ST6GALNAC3: variants seen among roughly 807,000 people sequenced by gnomAD.
ST6GALNAC3 encodes the protein alpha-N-acetylgalactosaminide alpha-2,6-sialyltransferase 3.
A neutral mutation model predicts 32.7 loss-of-function variants in ST6GALNAC3; 25 were observed. The ratio of observed to expected loss-of-function variants is 0.76; its 90% CI spans 0.56 to 1.07. The LOEUF is 1.07. Ranked by LOEUF, ST6GALNAC3 falls within the 50% of genes least tolerant of loss-of-function variation. ST6GALNAC3 has a pLI of 0.00. For missense variants in ST6GALNAC3, 355 were observed against 382.4 expected, an observed-to-expected ratio of 0.93 and a Z score of 0.60; for synonymous variants, 129 against 133.1, an observed-to-expected ratio of 0.97 and a Z score of 0.21.
intron 1 of ST6GALNAC3, among the ~76,000 whole-genome samples, chr1:76,264,975 T>C (rs1419797480): frequency 1.3e-5 from 2 of 152,040 alleles, no homozygotes; most frequent in East Asian, 3.9e-4. Flanking sequence ...TTTAAGGCCT[T>C]TATTCCTCTG....
intron 1 of ST6GALNAC3, among the ~76,000 whole-genome samples, chr1:76,258,467 A>T (rs542889505): frequency 6.6e-6 from 1 of 152,304 alleles, no homozygotes; most frequent in South Asian, 2.1e-4. Flanking sequence ...TATCCAGATG[A>T]TAATTCCAGA....
intron 1 of ST6GALNAC3, among the ~76,000 whole-genome samples, chr1:76,308,615 T>C (rs1467533224): frequency 6.6e-6 from 1 of 152,166 alleles, no homozygotes; most frequent in African/African-American, 2.4e-5. Context: ...TGCTAAGTGT[T>C]GATGGACTCA....
At chr1:76,548,682 C>A (rs566712673) in intron 3 of ST6GALNAC3, among the ~76,000 whole-genome samples, 3 of 152,236 alleles carry the variant, frequency 2.0e-5, no homozygotes, top group East Asian at 3.9e-4. Context: ...AGCTTTCCAA[C>A]CTCTATAGTA....
chr1:76,621,732 C>A (rs1376040198), intron 3 of ST6GALNAC3, among the ~76,000 whole-genome samples: 2 of 151,916 alleles, frequency 1.3e-5, no homozygotes, highest in African/African-American at 4.8e-5. Context: ...TAAATGTATT[C>A]TTTCATTATC....
At chr1:76,165,344 T>A in intron 1 of ST6GALNAC3, among the ~76,000 whole-genome samples, 1 of 152,282 alleles carries the variant, frequency 6.6e-6, no homozygotes, top group Middle Eastern at 3.4e-3. Context: ...GTAAAAGATA[T>A]GATCTTGTTC....
rs974191873 is a variant in ST6GALNAC3, at chr1:76,372,269, C to T, written c.214-39739C>T. The stretch of plus-strand genomic sequence containing the variant: ...GTGTGTAGTCCTTGCCTCATCATTT[C>T]AGTTTTTTTAATGTAAATTTTTATT... On this transcript the variant is annotated intron_variant, in intron 2 of 4. Coordinates refer to ENST00000328299, the MANE Select transcript of ST6GALNAC3 (RefSeq NM_152996.4). Among the ~76,000 whole-genome samples the T allele has an allele frequency of 2.6e-5, 4 of 151,908 alleles. No individual in the cohort carries two copies. In the South Asian group the frequency reaches 8.3e-4, roughly 32 times the overall value.
chr1:76,223,787 AT>A (rs560552874), intron 1 of ST6GALNAC3, among the ~76,000 whole-genome samples: 12 of 149,826 alleles, frequency 8.0e-5, no homozygotes, highest in East Asian at 2.0e-4. Flanking sequence ...TGCCATGATG[AT>A]TTTTTTTTTA....
At chr1:76,614,931 G>T (rs569907833) in intron 3 of ST6GALNAC3, among the ~76,000 whole-genome samples, 2 of 151,878 alleles carry the variant, frequency 1.3e-5, no homozygotes, top group African/African-American at 4.8e-5. Flanking sequence ...GGGGTGCAGG[G>T]TGTCGTCTGG....
intron 1 of ST6GALNAC3, among the ~76,000 whole-genome samples, chr1:76,222,134 T>G (rs1027434681): frequency 1.3e-5 from 2 of 152,126 alleles, no homozygotes; most frequent in African/African-American, 4.8e-5. Context: ...AATTAAACAT[T>G]TAAAATGTGC....
chr1:76,286,527 T>G (rs1163930518), intron 1 of ST6GALNAC3, among the ~76,000 whole-genome samples: 1 of 152,216 alleles, frequency 6.6e-6, no homozygotes, highest in Non-Finnish European at 1.5e-5. Context: ...CTGGCCTTTA[T>G]TTTTCCATGT....
In ST6GALNAC3 at chr1:76,140,797, ATT is replaced by A. The variant is rs3042284; in HGVS notation, c.18+65935_18+65936del. Among the ~76,000 whole-genome samples the A allele has an allele frequency of 3.0e-3, 366 of 120,378 alleles. 1 individual carries two copies. Among genetic ancestry groups the A allele is most frequent in the Middle Eastern group, 4.6e-3 (1 of 216 alleles). The allele number at this position is 120,378 out of a possible 152,430, so 79.0% of individuals were successfully genotyped here. On this transcript the variant is annotated intron_variant, in intron 1 of 4. Transcript: ENST00000328299. ...TGCCCAGCTAAATTTTAATTTTCTA[ATT>A]TTTTTTTTTTTTTTTTTTTTTGGTA...
At chr1:76,358,361 C>T (rs994224665) in intron 2 of ST6GALNAC3, among the ~76,000 whole-genome samples, 6 of 152,128 alleles carry the variant, frequency 3.9e-5, no homozygotes, top group Non-Finnish European at 5.9e-5. Flanking sequence ...ACTCACGAAA[C>T]CTTTCCACAC....
chr1:76,234,115 G>A (rs1337753891), intron 1 of ST6GALNAC3, among the ~76,000 whole-genome samples: 3 of 152,178 alleles, frequency 2.0e-5, no homozygotes, highest in East Asian at 1.9e-4. Flanking sequence ...AGGTTTGTGC[G>A]ATAATGAAGT....
intron 3 of ST6GALNAC3, among the ~76,000 whole-genome samples, chr1:76,434,656 AT>A (rs1297547160): frequency 6.6e-6 from 1 of 151,974 alleles, no homozygotes; most frequent in East Asian, 1.9e-4. Context: ...AAATTAAACT[AT>A]TTTTTATTGT....
At chr1:76,326,739 C>T (rs1647078001) in intron 2 of ST6GALNAC3, among the ~76,000 whole-genome samples, 1 of 149,846 alleles carries the variant, frequency 6.7e-6, no homozygotes, top group African/African-American at 2.5e-5. Context: ...ACTATTTTAG[C>T]ATGCAAAAAT....
intron 3 of ST6GALNAC3, among the ~76,000 whole-genome samples, chr1:76,593,957 C>G (rs575640202): frequency 5.9e-5 from 9 of 152,198 alleles, no homozygotes; most frequent in Admixed American, 5.2e-4. Context: ...TACTACGATT[C>G]CCACAGAGCC....
At chr1:76,571,103 A>T (rs1665832643) in intron 3 of ST6GALNAC3, among the ~76,000 whole-genome samples, 2 of 152,066 alleles carry the variant, frequency 1.3e-5, no homozygotes, top group African/African-American at 4.8e-5. Flanking sequence ...TCAGTTATCC[A>T]AGTGTCTTTT....
chr1:76,356,184 T>C (rs555936522), intron 2 of ST6GALNAC3, among the ~76,000 whole-genome samples: 2 of 152,276 alleles, frequency 1.3e-5, no homozygotes, highest in South Asian at 2.1e-4. Context: ...CAAACATTTA[T>C]TGAATTGTCA....
At chr1:76,583,427 G>C (rs1279858329) in intron 3 of ST6GALNAC3, among the ~76,000 whole-genome samples, 3 of 152,196 alleles carry the variant, frequency 2.0e-5, no homozygotes, top group Non-Finnish European at 4.4e-5. Context: ...CAAAGTAACA[G>C]ATGGTAAAGA....
Sources: allele counts gnomAD v4.1 joint callset (sites outside exome capture counted in the v4.1 genomes callset), GRCh38; gene constraint gnomAD v4.1.1; transcripts MANE v1.5; gene names NCBI Gene and HGNC (gene_info 2026-07-23, HGNC 2026-07-21).